RBM47: variants seen among roughly 807,000 people sequenced by gnomAD.
RBM47 encodes the protein RNA binding motif protein 47, also known as RNA-binding protein 47.
A neutral mutation model predicts 47.1 loss-of-function variants in RBM47; 21 were observed. That is an observed-to-expected ratio of 0.45 (90% confidence interval 0.32 to 0.64). The LOEUF (loss-of-function observed/expected upper bound fraction) is 0.64, where lower values mean the gene tolerates loss of function less well. Ranked by LOEUF, RBM47 falls within the 30% of genes least tolerant of loss-of-function variation. RBM47 has a pLI of 0.05. For missense variants in RBM47, 708 were observed against 870.9 expected (o/e 0.81, Z 2.35); for synonymous variants, 375 against 361.7 (o/e 1.04, Z -0.42).
At chr4:40,568,379 T>C (rs964122429) in intron 1 of RBM47, among the ~76,000 whole-genome samples, 2 of 131,150 alleles carry the variant, frequency 1.5e-5, no homozygotes, top group Non-Finnish European at 3.1e-5. Context: ...CAGTGAGCCA[T>C]GATCACGTCA....
chr4:40,592,425 T>C lies in RBM47; in HGVS notation c.-240+36971A>G, dbSNP rs1323622513. On this transcript the variant is annotated intron_variant, in intron 1 of 6. Transcript: ENST00000295971. ...TCCACCTGGCTTAATCTTTTTTTTT[T>C]CTTTTTTTTTTTTTTTAAGACAGAG... 9.2e-4 allele frequency among the ~76,000 whole-genome samples: 124 copies of C among 134,754 alleles called. 1 individual carries two copies. The highest frequency in any genetic ancestry group is 3.4e-3 in the African/African-American group (119 of 34,654). 88.4% of individuals were successfully genotyped at this position (134,754 alleles called of 152,430 possible).
intron 1 of RBM47, among the ~76,000 whole-genome samples, chr4:40,557,749 T>TA (rs5857736): frequency 7.3e-5 from 11 of 150,806 alleles, no homozygotes; most frequent in Admixed American, 4.0e-4. Flanking sequence ...AACCCCACCT[T>TA]AAAAAAAAAA....
intron 2 of RBM47, among the ~76,000 whole-genome samples, chr4:40,517,980 G>C (rs1725784798): frequency 6.6e-6 from 1 of 152,092 alleles, no homozygotes; most frequent in Admixed American, 6.5e-5. Context: ...CATGGATACA[G>C]AAGGATCACT....
At chr4:40,591,730 G>C (rs915734541) in intron 1 of RBM47, among the ~76,000 whole-genome samples, 2 of 151,880 alleles carry the variant, frequency 1.3e-5, no homozygotes, top group Non-Finnish European at 2.9e-5. Flanking sequence ...AGATATGTGG[G>C]GAGAATTTCA....
At chr4:40,580,449 C>T (rs1732774508) in intron 1 of RBM47, among the ~76,000 whole-genome samples, 1 of 136,484 alleles carries the variant, frequency 7.3e-6, no homozygotes, top group Admixed American at 7.6e-5. Flanking sequence ...TTGTGGACAC[C>T]AGATCAGGAA....
chr4:40,562,328 C>A (rs914637901), intron 1 of RBM47, among the ~76,000 whole-genome samples: 3 of 152,066 alleles, frequency 2.0e-5, no homozygotes, highest in Admixed American at 1.3e-4. Flanking sequence ...GAAGCACAGA[C>A]CAGGAGAGGG....
chr4:40,620,292 G>T (rs899271937), intron 1 of RBM47, among the ~76,000 whole-genome samples: 9 of 151,570 alleles, frequency 5.9e-5, no homozygotes, highest in African/African-American at 2.2e-4. Context: ...CGGATCACGA[G>T]GTCAGGAGTT....
chr4:40,608,985 TTTTATTTA>T (rs369701422), intron 1 of RBM47, among the ~76,000 whole-genome samples: 6 of 151,894 alleles, frequency 4.0e-5, no homozygotes, highest in African/African-American at 9.7e-5. Flanking sequence ...ATACCTCTTC[TTTTATTTA>T]TTTATTTATT....
At chr4:40,593,171 T>C (rs1342093660) in intron 1 of RBM47, among the ~76,000 whole-genome samples, 5 of 148,648 alleles carry the variant, frequency 3.4e-5, no homozygotes, top group Middle Eastern at 3.5e-3. Context: ...ATTTTTTTTT[T>C]GTATTTTTAG....
At chr4:40,533,125 C>T (rs1259451551) in intron 2 of RBM47, among the ~76,000 whole-genome samples, 1 of 152,042 alleles carries the variant, frequency 6.6e-6, no homozygotes. Context: ...AAAACAGCTG[C>T]TAGGGAATAC....
intron 2 of RBM47, among the ~76,000 whole-genome samples, chr4:40,530,080 C>A (rs1369426997): frequency 6.7e-6 from 1 of 149,456 alleles, no homozygotes; most frequent in Non-Finnish European, 1.5e-5. Flanking sequence ...GGATTACAGG[C>A]GTGTGCCACC....
chr4:40,557,800 T>TA (rs1324390072), intron 1 of RBM47, among the ~76,000 whole-genome samples: 4 of 152,258 alleles, frequency 2.6e-5, no homozygotes, highest in Admixed American at 1.3e-4. Flanking sequence ...AATTTTACAA[T>TA]AAAAAATCAG....
At position 40,491,266 on chromosome 4, in the gene RBM47, C is replaced by T. The variant is rs540470956; in HGVS notation, c.-154-24567G>A. On this transcript the variant is annotated intron_variant, in intron 2 of 6. Coordinates refer to ENST00000295971, the MANE Select transcript of RBM47 (RefSeq NM_001098634.2). ...GAAATTATGCTTTAATAACTGGATACGCACAATGCAAAAGAATAGAGTTGG... is the reference window on the plus strand; with the variant it reads ...GAAATTATGCTTTAATAACTGGATATGCACAATGCAAAAGAATAGAGTTGG... Among the ~76,000 whole-genome samples, 16 of 152,228 alleles carry T rather than the reference C, an allele frequency of 1.1e-4. 1 individual carries two copies. The South Asian group carries it at 1.9e-3, about 18-fold the overall frequency.
chr4:40,577,119 G>T (rs189465010), intron 1 of RBM47, among the ~76,000 whole-genome samples: 1 of 152,152 alleles, frequency 6.6e-6, no homozygotes, highest in Non-Finnish European at 1.5e-5. Context: ...GTGCTAAAGA[G>T]GAAACCCTGA....
chr4:40,591,320 T>G (rs1734115210), intron 1 of RBM47, among the ~76,000 whole-genome samples: 1 of 152,150 alleles, frequency 6.6e-6, no homozygotes, highest in Non-Finnish European at 1.5e-5. Context: ...AATTGTATAC[T>G]TTAAAATAGT....
chr4:40,568,167 T>G (rs1437258788), intron 1 of RBM47, among the ~76,000 whole-genome samples: 1 of 151,756 alleles, frequency 6.6e-6, no homozygotes. Flanking sequence ...ACATGCCACC[T>G]GTAATCCCAG....
At chr4:40,470,380 C>T (rs1718673131) in intron 2 of RBM47, among the ~76,000 whole-genome samples, 1 of 152,152 alleles carries the variant, frequency 6.6e-6, no homozygotes, top group South Asian at 2.1e-4. Context: ...GCATGTGAAT[C>T]TCACAGCCGC....
rs532153922 is a variant in RBM47, at chr4:40,557,674, A to G, written c.-239-13168T>C. ...TGAAGCAGGAGAATCGCTTGAACCC[A>G]GGAGGCGGAGGTTGCAGTGAGCCAA... On this transcript the variant is annotated intron_variant, in intron 1 of 6. Coordinates refer to ENST00000295971, the MANE Select transcript of RBM47 (RefSeq NM_001098634.2). Among the ~76,000 whole-genome samples, 66 of 152,258 alleles carry G rather than the reference A, an allele frequency of 4.3e-4. No homozygotes were observed. In the South Asian group the frequency reaches 0.013, roughly 31 times the overall value.
chr4:40,575,964 C>T (rs1464820409), intron 1 of RBM47, among the ~76,000 whole-genome samples: 2 of 152,202 alleles, frequency 1.3e-5, no homozygotes, highest in African/African-American at 4.8e-5. Flanking sequence ...AAATGGGGGC[C>T]TGCCAGTGCT....
Sources: gnomAD v4.1 joint callset for allele counts (sites outside exome capture counted in the v4.1 genomes callset) on GRCh38, gnomAD v4.1.1 for gene constraint, MANE v1.5 for transcripts, NCBI Gene and HGNC (gene_info 2026-07-23, HGNC 2026-07-21) for gene names.